ETAA1: variants seen among roughly 807,000 people sequenced by gnomAD.
ETAA1 encodes the protein ETAA1 activator of ATR kinase, also known as ewing's tumor-associated antigen 1.
In ETAA1, 49 loss-of-function variants were observed where a neutral mutation model predicts 76.8. The observed-to-expected ratio is 0.64, with a 90% CI of 0.51 to 0.81. The LOEUF is 0.81. ETAA1 is among the 30% of genes least tolerant of loss of function. The probability of loss-of-function intolerance (pLI) is 0.00; values close to 1 mark genes in which losing one functional copy is unlikely to be tolerated. For synonymous variants in ETAA1, 373 were observed against 372.2 expected, an observed-to-expected ratio of 1.00 and a Z score of -0.03; for missense variants, 1,099 against 1,074.0, an observed-to-expected ratio of 1.02 and a Z score of -0.32.
intron 5 of ETAA1, among the ~76,000 whole-genome samples, chr2:67,407,926 C>A (rs561530149): frequency 2.0e-5 from 3 of 151,922 alleles, no homozygotes; most frequent in African/African-American, 7.2e-5. Context: ...CAGTTCAAGC[C>A]CATGTTGTTC....
Position 67,403,962 on chromosome 2 carries a change from C to A in ETAA1, c.1280C>A (p.Thr427Lys). 6.2e-7 allele frequency: 1 copy of A among 1,608,394 alleles called. No individual in the cohort carries two copies. Among genetic ancestry groups the A allele is most frequent in the South Asian group, 1.1e-5 (1 of 90,460 alleles). Residue 427 changes from threonine to lysine, a missense_variant, in exon 5 of 6, where the codon ACG becomes AAG. Physicochemically the swap from Thr to Lys is moderately conservative, Grantham distance 78. Coordinates refer to ENST00000272342, the MANE Select transcript of ETAA1 (RefSeq NM_019002.4). ...TTTAATAGTAAAACTGTTAAAAATA[C>A]GTCAAGAGCAAATACAAGTCCAGAT... is the stretch of plus-strand genomic sequence containing the variant. The part of the protein sequence containing the change: ...CTFNSKTVKN[T>K]SRANTSPDAR...
At position 67,403,458 on chromosome 2, in the gene ETAA1, C is replaced by T; in HGVS notation, c.776C>T (p.Thr259Ile). 1 of 1,613,224 alleles carries T rather than the reference C, an allele frequency of 6.2e-7. No individual in the cohort carries two copies. Among genetic ancestry groups the T allele is most frequent in the Non-Finnish European group, 8.5e-7 (1 of 1,179,348 alleles). ...NATKKPIKGNTKISVANNQNS... is the reference protein window; with the variant it reads ...NATKKPIKGNIKISVANNQNS... ...ACAAAAAAGCCAATCAAAGGAAACA[C>T]CAAGATATCTGTGGCAAATAATCAA... Residue 259 changes from threonine (T) to isoleucine (I), a missense_variant, in exon 5 of 6, where the codon ACC becomes ATC. Physicochemically the swap from Thr to Ile is moderately conservative, Grantham distance 89. Transcript: ENST00000272342.
chr2:67,405,000 G>A lies in ETAA1; in HGVS notation c.2318G>A (p.Ser773Asn), dbSNP rs1444612835. Reference sequence around the variant, plus strand: ...AGTTCCAAATTGGTTCTTCCAGGAAGTTCAAGTTTGAATGTAACTTCAGAT... The same window carrying A: ...AGTTCCAAATTGGTTCTTCCAGGAAATTCAAGTTTGAATGTAACTTCAGAT... ...VNSSKLVLPGSSSLNVTSDHM... is the reference protein window; with the variant it reads ...VNSSKLVLPGNSSLNVTSDHM... The change falls in exon 5 of 6, where the codon AGT (serine) becomes AAT (asparagine). Residue 773 changes from serine (S) to asparagine (N), a missense_variant. Around this residue, in one of 3 missense-constraint regions of ETAA1, gnomAD observed 302 missense variants for 278.1 expected, o/e 1.09. Coordinates refer to ENST00000272342, the MANE Select transcript of ETAA1 (RefSeq NM_019002.4). The A allele has an allele frequency of 1.2e-6, 2 of 1,612,050 alleles. No individual in the cohort carries two copies. Among genetic ancestry groups the A allele is most frequent in the Non-Finnish European group, 1.7e-6 (2 of 1,178,864 alleles).
chr2:67,400,996 A>C (rs1186985854), intron 3 of ETAA1: 2 of 152,130 alleles, frequency 1.3e-5, no homozygotes, highest in Non-Finnish European at 2.9e-5. Context: ...ATAGATCTTC[A>C]TTAATTGTGG....
At position 67,407,412 on chromosome 2, in the gene ETAA1, T is replaced by TA. The variant is rs567859188; in HGVS notation, c.2653+2078dup. On this transcript the variant is annotated intron_variant, in intron 5 of 5. Coordinates refer to ENST00000272342, the MANE Select transcript of ETAA1 (RefSeq NM_019002.4). ...ATAGCCCAAACTAGATATTTTGAAA[T>TA]ATTAAAAATTGTTCTCAATCTATAA... Among the ~76,000 whole-genome samples the TA allele has an allele frequency of 5.3e-5, 8 of 152,222 alleles. No homozygotes were observed. The South Asian group carries it at 1.5e-3, about 28-fold the overall frequency.
At position 67,404,191 on chromosome 2, in the gene ETAA1, G is replaced by T; in HGVS notation, c.1509G>T (p.Leu503=). ...EIQNCIVTSN[L]TKIKEDILTN... ...AAAATTGTATAGTTACATCTAATCT[G>T]ACAAAAATAAAGGAAGATATTCTTA... Residue 503 remains leucine (L), a synonymous_variant, in exon 5 of 6, where the codon CTG becomes CTT. Transcript: ENST00000272342. 2 of 1,609,564 alleles carry T rather than the reference G, an allele frequency of 1.2e-6. No homozygotes were observed. Among genetic ancestry groups the T allele is most frequent in the South Asian group, 2.2e-5 (2 of 90,608 alleles).
chr2:67,408,912 C>T (rs916191737), intron 5 of ETAA1, among the ~76,000 whole-genome samples: 4 of 151,896 alleles, frequency 2.6e-5, no homozygotes, highest in Admixed American at 2.6e-4. Context: ...GATAATTAGT[C>T]AAGCTAATTA....
At position 67,410,003 on chromosome 2, in the gene ETAA1, T is replaced by A. The variant is rs1676328608; in HGVS notation, c.2746T>A (p.Ser916Thr). 1 of 1,609,098 alleles carries A rather than the reference T, an allele frequency of 6.2e-7. No homozygotes were observed. Among genetic ancestry groups the A allele is most frequent in the Non-Finnish European group, 8.5e-7 (1 of 1,178,074 alleles). Reference sequence around the variant, plus strand: ...TCGGAGAATGGCTAAAGCACGAGCCTCATCTGTAAATGCAGCTCCCACTTC... The same window carrying A: ...TCGGAGAATGGCTAAAGCACGAGCCACATCTGTAAATGCAGCTCCCACTTC... ...LVRRMAKARASSVNAAPTSFL is the reference protein window; with the variant it reads ...LVRRMAKARATSVNAAPTSFL The change falls in exon 6 of 6, where the codon TCA (serine) becomes ACA (threonine). Residue 916 changes from serine to threonine, a missense_variant. Physicochemically the swap from Ser to Thr is moderately conservative, Grantham distance 58. This residue lies in a region of ETAA1 where 302 missense variants were observed against 278.1 expected (regional missense o/e 1.09). Transcript: ENST00000272342.
In ETAA1 at chr2:67,407,020, G is replaced by A. The variant is rs183110653; in HGVS notation, c.2653+1685G>A. Among the ~76,000 whole-genome samples the A allele has an allele frequency of 3.0e-3, 451 of 152,076 alleles. 2 individuals carry two copies. Among genetic ancestry groups the A allele is most frequent in the African/African-American group, 0.01 (434 of 41,498 alleles). On this transcript the variant is annotated intron_variant, in intron 5 of 5. Coordinates refer to ENST00000272342, the MANE Select transcript of ETAA1 (RefSeq NM_019002.4). ...TAAATTTCCGCATGCTTGTATAATT[G>A]TATCTGTTAATTCCTAAAAAATTGC... is the stretch of plus-strand genomic sequence containing the variant.
rs1286006619 is a variant in ETAA1, at chr2:67,404,034, C to T, written c.1352C>T (p.Thr451Ile). 5.6e-6 allele frequency: 9 copies of T among 1,607,398 alleles called. No homozygotes were observed. Among genetic ancestry groups the T allele is most frequent in the Non-Finnish European group, 4.2e-6 (5 of 1,177,238 alleles). The change falls in exon 5 of 6, where the codon ACA becomes ATA. Residue 451 changes from threonine (T) to isoleucine (I), a missense_variant. By Grantham distance (89) the Thr-to-Ile change is moderately conservative. Transcript: ENST00000272342. Reference protein sequence around the residue: ...SKVLQDLSSKTYDRELIDAEY... With the variant: ...SKVLQDLSSKIYDRELIDAEY... ...GTATTACAAGATCTTTCTTCAAAGA[C>T]ATATGACAGAGAATTAATAGATGCA... is the stretch of plus-strand genomic sequence containing the variant.
Position 67,410,121 on chromosome 2 carries a change from T to A in ETAA1, c.*83T>A. On this transcript the variant is annotated 3_prime_UTR_variant, in exon 6 of 6. Coordinates refer to ENST00000272342, the MANE Select transcript of ETAA1 (RefSeq NM_019002.4). ...GAAATTTTTTTTCTTGATTTCTCTG[T>A]GAGAAATGTAATGCTGACTTTTATA... 1.3e-5 allele frequency: 16 copies of A among 1,277,540 alleles called. No individual in the cohort carries two copies. Among genetic ancestry groups the A allele is most frequent in the African/African-American group, 1.5e-5 (1 of 64,792 alleles). 79.1% of individuals were successfully genotyped at this position (1,277,540 alleles called of 1,614,324 possible).
chr2:67,402,047 T>A (rs1167521954), intron 3 of ETAA1: 1 of 151,846 alleles, frequency 6.6e-6, no homozygotes, highest in Non-Finnish European at 1.5e-5. Context: ...ATTTTTTAAA[T>A]TGTGTGATAT....
At chr2:67,401,019 A>G (rs970831552) in intron 3 of ETAA1, 1 of 152,164 alleles carries the variant, frequency 6.6e-6, no homozygotes, top group African/African-American at 2.4e-5. Context: ...TTCACATGAA[A>G]GAAGCATAAT....
chr2:67,403,097 A>G (rs1402800402), intron 4 of ETAA1, 123 bp downstream of exon 4: 8 of 1,142,226 alleles, frequency 7.0e-6, no homozygotes, highest in Admixed American at 3.1e-5. Flanking sequence ...GTTTTGATCT[A>G]TCAAATTTTG....
rs1364559297 is a variant in ETAA1 at position 67,405,084 on chromosome 2, A to G, written c.2402A>G (p.His801Arg). ...KKKLSTNQPC[H>R]KTVTDEAQSN... ...AAATTGAGTACTAATCAGCCATGCC[A>G]TAAGACTGTAACAGATGAAGCTCAG... is the stretch of plus-strand genomic sequence containing the variant. The change falls in exon 5 of 6, where the codon CAT (histidine) becomes CGT (arginine). Residue 801 changes from histidine (H) to arginine (R), a missense_variant. Around this residue, in one of 3 missense-constraint regions of ETAA1, gnomAD observed 302 missense variants for 278.1 expected, o/e 1.09. Coordinates refer to ENST00000272342, the MANE Select transcript of ETAA1 (RefSeq NM_019002.4). 2.5e-6 allele frequency: 4 copies of G among 1,612,610 alleles called. No individual in the cohort carries two copies. The highest frequency in any genetic ancestry group is 1.3e-5 in the African/African-American group (1 of 74,882).
chr2:67,404,463 A>T lies in ETAA1; in HGVS notation c.1781A>T (p.His594Leu). ...SFANEIIKAC[H>L]QLDNTWEADD... ...GCCAATGAAATTATTAAAGCATGTC[A>T]TCAATTAGATAATACCTGGGAAGCA... The change falls in exon 5 of 6, where the codon CAT (histidine) becomes CTT (leucine). Residue 594 changes from histidine to leucine, a missense_variant. Physicochemically the swap from His to Leu is moderately conservative, Grantham distance 99 (BLOSUM62 -3). Transcript: ENST00000272342. The T allele has an allele frequency of 1.2e-6, 2 of 1,613,276 alleles. No individual in the cohort carries two copies. Among genetic ancestry groups the T allele is most frequent in the South Asian group, 2.2e-5 (2 of 91,058 alleles).
chr2:67,406,940 G>T (rs2103757662), intron 5 of ETAA1, among the ~76,000 whole-genome samples: 1 of 152,054 alleles, frequency 6.6e-6, no homozygotes, highest in Middle Eastern at 3.4e-3. Context: ...GGAAGTTTGG[G>T]TTGGTTGCAG....
Position 67,403,798 on chromosome 2 carries a change from T to C in ETAA1, c.1116T>C (p.Asp372=). 2 of 1,613,390 alleles carry C rather than the reference T, an allele frequency of 1.2e-6. No individual in the cohort carries two copies. The highest frequency in any genetic ancestry group is 2.2e-5 in the East Asian group (1 of 44,856). Residue 372 remains aspartate, a synonymous_variant, in exon 5 of 6, where the codon GAT becomes GAC. Coordinates refer to ENST00000272342, the MANE Select transcript of ETAA1 (RefSeq NM_019002.4). ...CAGAAACTTCTAATAAGTACATTGA[T>C]GCATTTACTACAAGTGATTTTGAGG... The part of the protein sequence containing the change: ...KEPETSNKYI[D]AFTTSDFEDD...
At chr2:67,405,885 T>TC (rs1676204124) in intron 5 of ETAA1, among the ~76,000 whole-genome samples, 1 of 152,086 alleles carries the variant, frequency 6.6e-6, no homozygotes, top group Non-Finnish European at 1.5e-5. Context: ...ATTTCTCTTT[T>TC]CCCCAAGTCT....
Sources: gnomAD v4.1 joint callset for allele counts (sites outside exome capture counted in the v4.1 genomes callset) on GRCh38, gnomAD v4.1.1 for gene constraint, gnomAD v4.1.1 regional missense constraint, MANE v1.5 for transcripts, NCBI Gene and HGNC (gene_info 2026-07-23, HGNC 2026-07-21) for gene names.